The following TUT7 variants were observed in gnomAD, a reference collection of about 807,000 sequenced individuals.
TUT7 encodes terminal uridylyltransferase 7.
TUT7 carries 33 observed loss-of-function variants against 165.9 expected under a neutral mutation model. That is an observed-to-expected ratio of 0.20 (90% CI 0.15 to 0.27). The LOEUF (loss-of-function observed/expected upper bound fraction) is 0.27, where lower values mean the gene tolerates loss of function less well. Among genes scored for constraint, TUT7 ranks in the 10% least tolerant of loss-of-function variants. The pLI, the probability that TUT7 is intolerant of heterozygous loss-of-function variation, is 1.00. For synonymous variants in TUT7, 552 were observed against 608.1 expected (o/e 0.91, Z 1.36); for missense variants, 1,338 against 1,762.3 (o/e 0.76, Z 4.31).
At position 86,323,169 on chromosome 9, in the gene TUT7, T is replaced by C; in HGVS notation, c.2581A>G (p.Arg861Gly). 6.2e-7 allele frequency: 1 copy of C among 1,614,182 alleles called. No individual in the cohort carries two copies. Among genetic ancestry groups the C allele is most frequent in the Non-Finnish European group, 8.5e-7 (1 of 1,180,034 alleles). ...TCTTCCCTTTGGTTAATGGTGAGCCTAGGTTCTTCTTCCTCCTCCTCTTCT... is the reference window on the plus strand; with the variant it reads ...TCTTCCCTTTGGTTAATGGTGAGCCCAGGTTCTTCTTCCTCCTCCTCTTCT... ...DEEEEEEEEP[R>G]LTINQREDED... The change falls in exon 13 of 27, where the codon AGG becomes GGG. Residue 861 changes from arginine to glycine, a missense_variant. This residue lies in a region of TUT7 where 425 missense variants were observed against 474.9 expected (regional missense o/e 0.89). Transcript: ENST00000375963.
chr9:86,349,834 A>T (rs1173457377), intron 2 of TUT7, among the ~76,000 whole-genome samples: 1 of 152,204 alleles, frequency 6.6e-6, no homozygotes, highest in African/African-American at 2.4e-5. Flanking sequence ...TATGTCATAC[A>T]GCAAAAACAT....
intron 10 of TUT7, among the ~76,000 whole-genome samples, chr9:86,329,841 C>G (rs1006176875): frequency 6.6e-6 from 1 of 152,062 alleles, no homozygotes; most frequent in Non-Finnish European, 1.5e-5. Flanking sequence ...ATGCTCTTCC[C>G]CCTAACAAAG....
intron 7 of TUT7, among the ~76,000 whole-genome samples, 192 bp downstream of exon 7, chr9:86,340,810 T>C (rs771899201): frequency 1.4e-4 from 21 of 152,264 alleles, no homozygotes; most frequent in Non-Finnish European, 2.8e-4. Flanking sequence ...AAAGCTTTAC[T>C]TATGAAATGG....
Position 86,294,042 on chromosome 9 carries a change from G to A in TUT7, c.4421-5298C>T, listed in dbSNP as rs572222872. Among the ~76,000 whole-genome samples, 4 of 152,262 alleles carry A rather than the reference G, an allele frequency of 2.6e-5. No individual in the cohort carries two copies. In the South Asian group the frequency reaches 6.2e-4, roughly 24 times the overall value. The stretch of plus-strand genomic sequence containing the variant: ...ATTATAGGCGTGAGCCATGGCGCCC[G>A]GCCGCAAGGATAGTTTTAAGAGAGT... On this transcript the variant is annotated intron_variant, in intron 26 of 26. Coordinates refer to ENST00000375963, the MANE Select transcript of TUT7 (RefSeq NM_024617.4).
Position 86,311,952 on chromosome 9 carries a change from C to T in TUT7, c.3275-1143G>A, listed in dbSNP as rs1587897513. Among the ~76,000 whole-genome samples the T allele has an allele frequency of 6.6e-6, 1 of 152,124 alleles. No homozygotes were observed. On this transcript the variant is annotated intron_variant, in intron 17 of 26. Transcript: ENST00000375963. This position sits in a 1 kb window ranked among gnomAD's most constrained non-coding sequence, Gnocchi z 4.4. ...TGGTGCCCAGGCTGGAGTGCAGTGG[C>T]GTGATCTCGGCCCGCTACAACCTCC...
chr9:86,294,817 T>A lies in TUT7; in HGVS notation c.4421-6073A>T, dbSNP rs1342037257. On this transcript the variant is annotated intron_variant, in intron 26 of 26. Coordinates refer to ENST00000375963, the MANE Select transcript of TUT7 (RefSeq NM_024617.4). The stretch of plus-strand genomic sequence containing the variant: ...CAGGTTTGTTACATATGTATACATG[T>A]GCCATGTTGGTGTGCTGCACCCATT... Among the ~76,000 whole-genome samples the A allele has an allele frequency of 7.3e-5, 11 of 151,592 alleles. No homozygotes were observed. In the East Asian group the frequency reaches 2.1e-3, roughly 29 times the overall value.
intron 26 of TUT7, among the ~76,000 whole-genome samples, chr9:86,295,245 A>G (rs1221289595): frequency 1.3e-5 from 2 of 152,218 alleles, no homozygotes; most frequent in Non-Finnish European, 2.9e-5. Context: ...TGAGCTGTAT[A>G]TAAATGATGG....
At chr9:86,293,148 A>T (rs1380306104) in intron 26 of TUT7, among the ~76,000 whole-genome samples, 2 of 152,172 alleles carry the variant, frequency 1.3e-5, no homozygotes, top group Non-Finnish European at 2.9e-5. Context: ...AAACACATAT[A>T]AGTGAGGTTA....
intron 20 of TUT7, 52 bp from the exon 21 acceptor site, chr9:86,309,341 T>C: frequency 7.1e-7 from 1 of 1,417,256 alleles, no homozygotes; most frequent in Non-Finnish European, 9.8e-7. Flanking sequence ...AATGCATTGA[T>C]ACAAAAACTT....
intron 10 of TUT7, among the ~76,000 whole-genome samples, chr9:86,330,083 A>C (rs1830175141): frequency 1.3e-5 from 2 of 152,008 alleles, no homozygotes; most frequent in Non-Finnish European, 2.9e-5. Flanking sequence ...TCTGAGGCAG[A>C]GTCTCACCCT....
chr9:86,341,534 TCTTTATTTA>T (rs1232516311), intron 6 of TUT7, among the ~76,000 whole-genome samples: 1 of 152,126 alleles, frequency 6.6e-6, no homozygotes, highest in Non-Finnish European at 1.5e-5. Flanking sequence ...AAAACCAAAT[TCTTTATTTA>T]CCATGGTCTA....
intron 10 of TUT7, among the ~76,000 whole-genome samples, chr9:86,329,343 G>A (rs1352133868): frequency 6.6e-6 from 1 of 151,970 alleles, no homozygotes; most frequent in Non-Finnish European, 1.5e-5. Context: ...GACCAACATG[G>A]AGAAATCCCG....
chr9:86,298,889 T>A, intron 26 of TUT7: 2 of 857,966 alleles, frequency 2.3e-6, no homozygotes, highest in Non-Finnish European at 2.8e-6. Flanking sequence ...GAAACAGCCT[T>A]AAAACCGAAA....
chr9:86,349,630 C>A (rs1832098416), intron 2 of TUT7, among the ~76,000 whole-genome samples: 1 of 152,012 alleles, frequency 6.6e-6, no homozygotes, highest in African/African-American at 2.4e-5. Flanking sequence ...TGAATAATAC[C>A]CTTCCTTATT....
chr9:86,347,520 T>A (rs1564100356), intron 2 of TUT7, among the ~76,000 whole-genome samples: 1 of 152,160 alleles, frequency 6.6e-6, no homozygotes, highest in Non-Finnish European at 1.5e-5. Context: ...GCAATTACAA[T>A]GAACTGGCAG....
intron 2 of TUT7, 133 bp downstream of exon 2, chr9:86,352,547 G>C: frequency 9.8e-7 from 1 of 1,016,664 alleles, no homozygotes; most frequent in Non-Finnish European, 1.5e-6. Flanking sequence ...ATCACACTAA[G>C]TGACCATTTC....
chr9:86,310,584 T>A (rs1444028831), intron 18 of TUT7, 122 bp downstream of exon 18: 2 of 623,166 alleles, frequency 3.2e-6, no homozygotes, highest in Non-Finnish European at 5.8e-6. Context: ...CAAGTAAGCA[T>A]AATAACTCTT....
chr9:86,347,832 C>T (rs1831907711), intron 2 of TUT7, among the ~76,000 whole-genome samples: 1 of 152,076 alleles, frequency 6.6e-6, no homozygotes, highest in Non-Finnish European at 1.5e-5. Flanking sequence ...CCCCGACTCC[C>T]AATTAAATTA....
chr9:86,351,141 A>T (rs1457349744), intron 2 of TUT7, among the ~76,000 whole-genome samples: 1 of 151,516 alleles, frequency 6.6e-6, no homozygotes, highest in African/African-American at 2.4e-5. Context: ...TCAAAAAAAA[A>T]AAAAAAAAAT....
Sources: gnomAD v4.1 joint callset for allele counts (sites outside exome capture counted in the v4.1 genomes callset) on GRCh38, gnomAD v4.1.1 for gene constraint, gnomAD v4.1.1 regional missense constraint, Gnocchi (gnomAD v3.1) non-coding constraint, MANE v1.5 for transcripts, NCBI Gene and HGNC (gene_info 2026-07-23, HGNC 2026-07-21) for gene names.